Variants in GABRA4 observed in about 807,000 individuals in gnomAD.
GABRA4 encodes gamma-aminobutyric acid type A receptor subunit alpha4.
Under a neutral mutation model 49.7 loss-of-function variants are expected in GABRA4, and 12 were observed. The observed-to-expected ratio is 0.24, with a 90% confidence interval of 0.15 to 0.39. The LOEUF is 0.39. GABRA4 is among the 10% of genes least tolerant of loss of function. The pLI, the probability that GABRA4 is intolerant of heterozygous loss-of-function variation, is 1.00. For missense variants in GABRA4, 506 were observed against 686.0 expected, an observed-to-expected ratio of 0.74 and a Z score of 2.93; for synonymous variants, 288 against 240.2, an observed-to-expected ratio of 1.20 and a Z score of -1.84.
chr4:46,952,246 T>C (rs1722197466), intron 8 of GABRA4, among the ~76,000 whole-genome samples: 1 of 151,982 alleles, frequency 6.6e-6, no homozygotes, highest in South Asian at 2.1e-4. Context: ...ACTAAGAAGT[T>C]AAAAATTCAG....
At chr4:46,970,012 T>G (rs932258617) in intron 7 of GABRA4, among the ~76,000 whole-genome samples, 4 of 151,366 alleles carry the variant, frequency 2.6e-5, no homozygotes, top group Non-Finnish European at 5.9e-5. Flanking sequence ...CTTTCTATTT[T>G]TTTAATGCAT....
chr4:46,974,735 G>C (rs113647447), intron 5 of GABRA4, among the ~76,000 whole-genome samples: 1 of 151,906 alleles, frequency 6.6e-6, no homozygotes, highest in Non-Finnish European at 1.5e-5. Context: ...AACTCCCAAA[G>C]CCGTACTTCT....
Position 46,922,509 on chromosome 4 carries a change from A to G in GABRA4, c.*5716T>C, listed in dbSNP as rs1457552016. 5 of 152,182 alleles carry G rather than the reference A, an allele frequency of 3.3e-5. No individual in the cohort carries two copies. The highest frequency in any genetic ancestry group is 3.3e-4 in the Admixed American group (5 of 15,268). 9.4% of individuals were successfully genotyped at this position (152,182 alleles called of 1,614,324 possible). On this transcript the variant is annotated 3_prime_UTR_variant, in exon 9 of 9. Coordinates refer to ENST00000264318, the MANE Select transcript of GABRA4 (RefSeq NM_000809.4). ...AAAGCAGATGAAGCTCACGCCAGAT[A>G]AAAACTTTTTCAAGAAATAGAGGAA... is the stretch of plus-strand genomic sequence containing the variant.
intron 5 of GABRA4, among the ~76,000 whole-genome samples, chr4:46,975,638 A>G (rs899160398): frequency 2.1e-4 from 32 of 151,968 alleles, no homozygotes; most frequent in Middle Eastern, 3.4e-3. Flanking sequence ...CCAATGTGCA[A>G]TTTCTTTATT....
intron 8 of GABRA4, among the ~76,000 whole-genome samples, chr4:46,931,027 G>T (rs1242913829): frequency 6.6e-6 from 1 of 151,990 alleles, no homozygotes; most frequent in African/African-American, 2.4e-5. Context: ...GATGGCTAGA[G>T]TTCACAGGAC....
At chr4:46,988,539 A>C (rs1488194762) in intron 2 of GABRA4, among the ~76,000 whole-genome samples, 1 of 152,228 alleles carries the variant, frequency 6.6e-6, no homozygotes. Flanking sequence ...ATTAACTTTT[A>C]AGTGGAGAAA....
At chr4:46,941,331 T>C (rs1282922088) in intron 8 of GABRA4, among the ~76,000 whole-genome samples, 1 of 152,068 alleles carries the variant, frequency 6.6e-6, no homozygotes, top group African/African-American at 2.4e-5. Context: ...AGTTTTGGAC[T>C]TCTTTGCTAG....
chr4:46,969,255 C>T (rs1379550796), intron 7 of GABRA4, among the ~76,000 whole-genome samples: 2 of 151,398 alleles, frequency 1.3e-5, no homozygotes, highest in Non-Finnish European at 3.0e-5. Flanking sequence ...TCTTTAGGAT[C>T]ATTTAAAAAA....
At chr4:46,971,276 A>C in intron 6 of GABRA4, 41 bp from the exon 7 acceptor site, 2 of 1,583,678 alleles carry the variant, frequency 1.3e-6, no homozygotes, top group Non-Finnish European at 8.6e-7. Flanking sequence ...TCGGTTCTGC[A>C]GGCAATTAGT....
chr4:46,992,183 A>C (rs1723775808), intron 2 of GABRA4, among the ~76,000 whole-genome samples: 1 of 152,198 alleles, frequency 6.6e-6, no homozygotes, highest in Non-Finnish European at 1.5e-5. Context: ...TAATGGATGT[A>C]CCTCTATTAA....
At chr4:46,937,834 C>T (rs893583784) in intron 8 of GABRA4, among the ~76,000 whole-genome samples, 2 of 152,076 alleles carry the variant, frequency 1.3e-5, no homozygotes, top group African/African-American at 4.8e-5. Context: ...AGAGTTTAGA[C>T]ATAATTTGAG....
At chr4:46,943,399 C>A (rs779403113) in intron 8 of GABRA4, among the ~76,000 whole-genome samples, 1 of 152,130 alleles carries the variant, frequency 6.6e-6, no homozygotes, top group Non-Finnish European at 1.5e-5. Flanking sequence ...TTTCACCTGG[C>A]TATTGCACAA....
In GABRA4 at chr4:46,920,171, T is replaced by G. The variant is rs1366964729; in HGVS notation, c.*8054A>C. Reference sequence around the variant, plus strand: ...AACTGAAATGCTATACATTGTCTGTTATCAGAGCTTCTTTTACTTCCCTCT... The same window carrying G: ...AACTGAAATGCTATACATTGTCTGTGATCAGAGCTTCTTTTACTTCCCTCT... On this transcript the variant is annotated 3_prime_UTR_variant, in exon 9 of 9. Transcript: ENST00000264318. 1 of 151,724 alleles carries G rather than the reference T, an allele frequency of 6.6e-6. No homozygotes were observed. The highest frequency in any genetic ancestry group is 1.5e-5 in the Non-Finnish European group (1 of 67,670). 9.4% of individuals were successfully genotyped at this position (151,724 alleles called of 1,614,324 possible).
Position 46,974,262 on chromosome 4 carries a change from C to T in GABRA4, c.691G>A (p.Val231Ile), listed in dbSNP as rs770049735. The T allele has an allele frequency of 3.7e-6, 6 of 1,610,466 alleles. No individual in the cohort carries two copies. Among genetic ancestry groups the T allele is most frequent in the East Asian group, 2.2e-5 (1 of 44,732 alleles). ...LVQYDLIGQT[V>I]SSETIKSITG... ...ATTGATTTGATGGTTTCACTTGATA[C>T]GGTTTGCCCAATCAAATCATATTGA... Residue 231 changes from valine (V) to isoleucine (I), a missense_variant, in exon 6 of 9, where the codon GTA (valine) becomes ATA (isoleucine). Around this residue, in one of 5 missense-constraint regions of GABRA4, gnomAD observed 195 missense variants for 326.0 expected, o/e 0.60. Coordinates refer to ENST00000264318, the MANE Select transcript of GABRA4 (RefSeq NM_000809.4).
chr4:46,929,414 G>A (rs1411964142), intron 8 of GABRA4, among the ~76,000 whole-genome samples: 2 of 151,892 alleles, frequency 1.3e-5, no homozygotes, highest in Non-Finnish European at 2.9e-5. Context: ...TTAGAAAAAG[G>A]TTGTATTAGA....
At chr4:46,946,722 G>C (rs747363559) in intron 8 of GABRA4, among the ~76,000 whole-genome samples, 2 of 152,088 alleles carry the variant, frequency 1.3e-5, no homozygotes, top group Non-Finnish European at 2.9e-5. Context: ...AATATCTGTT[G>C]AATGAATAGA....
At chr4:46,961,628 C>T (rs1278427438) in intron 8 of GABRA4, among the ~76,000 whole-genome samples, 1 of 151,866 alleles carries the variant, frequency 6.6e-6, no homozygotes, top group African/African-American at 2.4e-5. Context: ...AGGGACCGAT[C>T]TGTTATCTAT....
chr4:46,927,113 A>G lies in GABRA4; in HGVS notation c.*1112T>C, dbSNP rs1721257412. The stretch of plus-strand genomic sequence containing the variant: ...GATTCTGTGATTCTGATCAAATTCT[A>G]CTCTGTGACTCTGATCAAATTTGCG... On this transcript the variant is annotated 3_prime_UTR_variant, in exon 9 of 9. Transcript: ENST00000264318. The G allele has an allele frequency of 6.6e-6, 1 of 151,708 alleles. No individual in the cohort carries two copies. Among genetic ancestry groups the G allele is most frequent in the South Asian group, 2.1e-4 (1 of 4,814 alleles). 9.4% of individuals were successfully genotyped at this position (151,708 alleles called of 1,614,324 possible).
chr4:46,979,183 A>T, intron 2 of GABRA4, 85 bp from the exon 3 acceptor site: 1 of 784,598 alleles, frequency 1.3e-6, no homozygotes. Flanking sequence ...GAGTAAATAC[A>T]GATATGATAT....
Sources: allele counts gnomAD v4.1 joint callset (sites outside exome capture counted in the v4.1 genomes callset), GRCh38; gene constraint gnomAD v4.1.1; regional missense constraint gnomAD v4.1.1; transcripts MANE v1.5; gene names NCBI Gene and HGNC (gene_info 2026-07-23, HGNC 2026-07-21).